The following SCN4A variants were observed in gnomAD, a reference collection of about 807,000 sequenced individuals.
The protein encoded by SCN4A is sodium voltage-gated channel alpha subunit 4.
In SCN4A, 83 loss-of-function variants were observed where a neutral mutation model predicts 162.0. The ratio of observed to expected loss-of-function variants is 0.51; its 90% confidence interval spans 0.43 to 0.61. The LOEUF (loss-of-function observed/expected upper bound fraction) is 0.61, where lower values mean the gene tolerates loss of function less well. SCN4A is among the 20% of genes least tolerant of loss of function. SCN4A has a pLI of 0.00. For missense variants in SCN4A, 2,196 were observed against 2,462.5 expected (o/e 0.89, Z 2.29); for synonymous variants, 944 against 985.1 (o/e 0.96, Z 0.78).
chr17:63,964,012 A>C (rs1194737936), intron 9 of SCN4A, among the ~76,000 whole-genome samples, 187 bp from the exon 10 acceptor site: 1 of 152,100 alleles, frequency 6.6e-6, no homozygotes, highest in Admixed American at 6.6e-5. Context: ...GTAGGGACCA[A>C]AGTGACTAAA....
In SCN4A at chr17:63,945,398, C is replaced by T. The variant is rs772250087; in HGVS notation, c.3682G>A (p.Asp1228Asn). 2.0e-5 allele frequency: 32 copies of T among 1,613,104 alleles called. No homozygotes were observed. The highest frequency in any genetic ancestry group is 4.0e-5 in the African/African-American group (3 of 74,892). The change falls in exon 19 of 24, where the codon GAC becomes AAC. Residue 1228 changes from aspartate (D) to asparagine (N), a missense_variant. Transcript: ENST00000435607. This position sits in a 1 kb window ranked among gnomAD's most constrained non-coding sequence, Gnocchi z 4.4. ...GAGAGGTAGCCCAGACCCACGTTGT[C>T]GTAGTTGACCTTGACATTGAGCCAG... ...VRWLNVKVNY[D>N]NVGLGYLSLL...
At chr17:63,967,657 G>A (rs1909490235) in intron 6 of SCN4A, among the ~76,000 whole-genome samples, 1 of 152,018 alleles carries the variant, frequency 6.6e-6, no homozygotes, top group East Asian at 1.9e-4. Context: ...ACAGGGCGGG[G>A]AGCGGTGGCT....
At chr17:63,955,573 G>A (rs937780659) in intron 13 of SCN4A, among the ~76,000 whole-genome samples, 9 of 152,104 alleles carry the variant, frequency 5.9e-5, no homozygotes, top group African/African-American at 2.2e-4. Flanking sequence ...TGGCAAAGTG[G>A]GGATTTAAAA....
Position 63,951,395 on chromosome 17 carries a change from G to T in SCN4A, c.2853+29C>A. On this transcript the variant is annotated intron_variant, in intron 14 of 23. Coordinates refer to ENST00000435607, the MANE Select transcript of SCN4A (RefSeq NM_000334.4). This position sits in a 1 kb window ranked among gnomAD's most constrained non-coding sequence, Gnocchi z 4.5. ...CAGGTCACAGGAGAATTTGAAGCCG[G>T]GTCTGTCTGAGCCCCAGCCCCGGCT... The T allele has an allele frequency of 1.4e-6, 2 of 1,474,122 alleles. No homozygotes were observed. Among genetic ancestry groups the T allele is most frequent in the Non-Finnish European group, 1.8e-6 (2 of 1,086,598 alleles). The allele number at this position is 1,474,122 out of a possible 1,614,324, so 91.3% of individuals were successfully genotyped here.
chr17:63,960,473 C>T (rs1909211580), intron 11 of SCN4A, among the ~76,000 whole-genome samples: 1 of 152,230 alleles, frequency 6.6e-6, no homozygotes, highest in Admixed American at 6.5e-5. Context: ...TCCCTGGCTT[C>T]CCCTAACCTT....
Position 63,945,755 on chromosome 17 carries a change from C to CAA in SCN4A, c.3442-118_3442-117insTT. 8.5e-7 allele frequency: 1 copy of CAA among 1,170,426 alleles called. No individual in the cohort carries two copies. Among genetic ancestry groups the CAA allele is most frequent in the Non-Finnish European group, 1.2e-6 (1 of 808,434 alleles). The allele number at this position is 1,170,426 out of a possible 1,614,324, so 72.5% of individuals were successfully genotyped here. A position where few individuals can be genotyped will look rare whatever the true frequency, so the allele number is the denominator to read the frequency against. On this transcript the variant is annotated intron_variant, in intron 18 of 23. Coordinates refer to ENST00000435607, the MANE Select transcript of SCN4A (RefSeq NM_000334.4). The surrounding 1 kb of genome is among the most constrained non-coding windows in gnomAD (Gnocchi z 4.4). Reference sequence around the variant, plus strand: ...GGGCATTGTCAATTAGGGAGGGCTTCCTAGAGGAGGGCCGACCTGCTGGGC... The same window carrying CAA: ...GGGCATTGTCAATTAGGGAGGGCTTCAACTAGAGGAGGGCCGACCTGCTGGGC...
intron 12 of SCN4A, 145 bp downstream of exon 12, chr17:63,959,120 A>C (rs1909163457): frequency 1.6e-6 from 1 of 623,392 alleles, no homozygotes. Context: ...AGGTTCTGAG[A>C]GGTAACAGGT....
intron 12 of SCN4A, among the ~76,000 whole-genome samples, chr17:63,958,951 C>T (rs1012155649): frequency 3.3e-5 from 5 of 152,178 alleles, no homozygotes; most frequent in East Asian, 3.8e-4. Flanking sequence ...TCCAGAGCCC[C>T]GGCTTTCAGG....
rs375987100 is a variant in SCN4A, at chr17:63,963,911, T to A, written c.1453-86A>T. 5 of 1,308,392 alleles carry A rather than the reference T, an allele frequency of 3.8e-6. No homozygotes were observed. The African/African-American group carries it at 7.4e-5, about 19-fold the overall frequency. 81.0% of individuals were successfully genotyped at this position (1,308,392 alleles called of 1,614,324 possible). ...TTGACCCTCAGAGCTTCTTCCAGAG[T>A]CCTTCAGGGTGGCAGCCCCTCTTCC... On this transcript the variant is annotated intron_variant, in intron 9 of 23. Coordinates refer to ENST00000435607, the MANE Select transcript of SCN4A (RefSeq NM_000334.4).
chr17:63,946,474 AC>A (rs1908727086), intron 18 of SCN4A, among the ~76,000 whole-genome samples: 2 of 77,024 alleles, frequency 2.6e-5, no homozygotes, highest in African/African-American at 1.3e-4. Flanking sequence ...CCCCCCCCCC[AC>A]CCCGCCGCAA....
chr17:63,968,225 CTGCCTCAGGT>C lies in SCN4A; in HGVS notation c.824_833del (p.Asn275ArgfsTer126). The stretch of plus-strand genomic sequence containing the variant: ...ACGGCGGGGGCCAGCGCACACACTT[CTGCCTCAGGT>C]TTCCCATGAAGAGCTGCAGTCCTAC... On this transcript the variant is annotated frameshift_variant, in exon 6 of 24. Transcript: ENST00000435607. LOFTEE classifies it high-confidence loss of function. The C allele has an allele frequency of 6.2e-7, 1 of 1,614,086 alleles. No homozygotes were observed. The highest frequency in any genetic ancestry group is 8.5e-7 in the Non-Finnish European group (1 of 1,179,942).
At chr17:63,953,375 A>C (rs1484165836) in intron 13 of SCN4A, among the ~76,000 whole-genome samples, 1 of 152,000 alleles carries the variant, frequency 6.6e-6, no homozygotes, top group Non-Finnish European at 1.5e-5. Context: ...AAAACAAAAC[A>C]AAAAAACAAA....
In SCN4A at chr17:63,950,970, G is replaced by A. The variant is rs1448339242; in HGVS notation, c.2853+454C>T. Among the ~76,000 whole-genome samples, 1 of 152,214 alleles carries A rather than the reference G, an allele frequency of 6.6e-6. No individual in the cohort carries two copies. The highest frequency in any genetic ancestry group is 1.5e-5 in the Non-Finnish European group (1 of 68,030). ...TGGATCTGGCACTTTGGCCCACACT[G>A]GGAGGTTGGGAGCAGACCCAGGTGG... On this transcript the variant is annotated intron_variant, in intron 14 of 23. Transcript: ENST00000435607. This position sits in a 1 kb window ranked among gnomAD's most constrained non-coding sequence, Gnocchi z 4.6.
rs182413464 is a variant in SCN4A, at chr17:63,948,589, C to T, written c.3144+22G>A. On this transcript the variant is annotated intron_variant, in intron 16 of 23. Coordinates refer to ENST00000435607, the MANE Select transcript of SCN4A (RefSeq NM_000334.4). ...GTGGGCCTGGCCCCTGCCCCTGACC[C>T]GTGCTCCCAGGCAGTGCCTACCAGA... 1.4e-5 allele frequency: 22 copies of T among 1,607,562 alleles called. 1 individual carries two copies. Among genetic ancestry groups the T allele is most frequent in the Admixed American group, 6.7e-5 (4 of 59,772 alleles).
chr17:63,948,639 A>C lies in SCN4A; in HGVS notation c.3116T>G (p.Phe1039Cys), dbSNP rs753280162. The change falls in exon 16 of 24, where the codon TTC (phenylalanine) becomes TGC (cysteine). Residue 1039 changes from phenylalanine to cysteine, a missense_variant. Coordinates refer to ENST00000435607, the MANE Select transcript of SCN4A (RefSeq NM_000334.4). ...EHNWFETFIV[F>C]MILLSSGALA... ...AGCCCCACTGCTGAGCAGGATCATG[A>C]AGACAATGAAGGTCTCGAACCAGTT... The C allele has an allele frequency of 6.2e-7, 1 of 1,613,814 alleles. No homozygotes were observed. Among genetic ancestry groups the C allele is most frequent in the Admixed American group, 1.7e-5 (1 of 60,004 alleles).
chr17:63,961,180 CG>C lies in SCN4A; in HGVS notation c.1845+12del, dbSNP rs756462178. The C allele has an allele frequency of 2.6e-5, 32 of 1,221,680 alleles. No individual in the cohort carries two copies. Among genetic ancestry groups the C allele is most frequent in the Admixed American group, 1.7e-4 (10 of 57,370 alleles). The allele number at this position is 1,221,680 out of a possible 1,614,324, so 75.7% of individuals were successfully genotyped here. A position where few individuals can be genotyped will look rare whatever the true frequency, so the allele number is the denominator to read the frequency against. ...CCTGCCCATGAATGATCCCCTCCCC[CG>C]CCCCTCCCTACCAGGTTGCCCACAG... On this transcript the variant is annotated intron_variant, in intron 11 of 23. Transcript: ENST00000435607.
In SCN4A at chr17:63,957,258, C is replaced by A. The variant is rs753779301; in HGVS notation, c.2280G>T (p.Gly760=). 13 of 1,613,912 alleles carry A rather than the reference C, an allele frequency of 8.1e-6. No individual in the cohort carries two copies. The East Asian group carries it at 2.9e-4, about 36-fold the overall frequency. The change falls in exon 13 of 24, where the codon GGG becomes GGT. Residue 760 remains glycine, a synonymous_variant. Coordinates refer to ENST00000435607, the MANE Select transcript of SCN4A (RefSeq NM_000334.4). ...SFLIVFRILC[G]EWIETMWDCM... The stretch of plus-strand genomic sequence containing the variant: ...AGTCCCACATGGTCTCGATCCACTC[C>A]CCGCACAGGATGCGGAAGACGATGA...
Position 63,945,130 on chromosome 17 carries a change from C to T in SCN4A, c.3721-70G>A. ...CTTTCATCATCCATGAGTTTCCCTC[C>T]CCCACCCAACCTGGTCCTCCCCTGC... On this transcript the variant is annotated intron_variant, in intron 19 of 23. Transcript: ENST00000435607. This position sits in a 1 kb window ranked among gnomAD's most constrained non-coding sequence, Gnocchi z 4.4. 1 of 1,499,438 alleles carries T rather than the reference C, an allele frequency of 6.7e-7. No individual in the cohort carries two copies. Among genetic ancestry groups the T allele is most frequent in the Admixed American group, 1.7e-5 (1 of 57,890 alleles). The allele number at this position is 1,499,438 out of a possible 1,614,324, so 92.9% of individuals were successfully genotyped here.
chr17:63,970,857 C>T (rs1006537493), intron 5 of SCN4A, among the ~76,000 whole-genome samples: 1 of 152,142 alleles, frequency 6.6e-6, no homozygotes, highest in African/African-American at 2.4e-5. Context: ...TGGTCTCAAA[C>T]TCCTGACCTT....
Sources: allele counts gnomAD v4.1 joint callset (sites outside exome capture counted in the v4.1 genomes callset), GRCh38; gene constraint gnomAD v4.1.1; non-coding constraint Gnocchi (gnomAD v3.1); transcripts MANE v1.5; gene names NCBI Gene and HGNC (gene_info 2026-07-23, HGNC 2026-07-21).